DCLK3: variants seen among roughly 807,000 people sequenced by gnomAD.
DCLK3 encodes serine/threonine-protein kinase DCLK3.
Under a neutral mutation model 46.4 loss-of-function variants are expected in DCLK3, and 30 were observed. The ratio of observed to expected loss-of-function variants is 0.65; its 90% CI spans 0.48 to 0.88. The LOEUF is 0.88. DCLK3 is among the 40% of genes least tolerant of loss of function. The probability of loss-of-function intolerance (pLI) is 0.00; values close to 1 mark genes in which losing one functional copy is unlikely to be tolerated. For missense variants in DCLK3, 846 were observed against 907.1 expected, an observed-to-expected ratio of 0.93 and a Z score of 0.87; for synonymous variants, 401 against 339.2, an observed-to-expected ratio of 1.18 and a Z score of -2.00.
chr3:36,730,883 A>G (rs932727111), intron 2 of DCLK3, among the ~76,000 whole-genome samples: 1 of 152,022 alleles, frequency 6.6e-6, no homozygotes, highest in African/African-American at 2.4e-5. Context: ...TTTCAGGTAG[A>G]AGAAACAGCA....
chr3:36,722,678 T>C (rs770741820), intron 2 of DCLK3, among the ~76,000 whole-genome samples: 6 of 152,130 alleles, frequency 3.9e-5, no homozygotes, highest in Non-Finnish European at 1.5e-5. Context: ...GATCTGACAG[T>C]TTTAAAAATG....
chr3:36,758,688 G>A (rs1054421265), intron 1 of DCLK3, among the ~76,000 whole-genome samples: 2 of 152,194 alleles, frequency 1.3e-5, no homozygotes, highest in African/African-American at 4.8e-5. Flanking sequence ...AATTACCCAG[G>A]CTCAGGTGTT....
rs1336007222 is a variant in DCLK3 at position 36,738,828 on chromosome 3, G to A, written c.339C>T (p.Leu113=). 4 of 839,850 alleles carry A rather than the reference G, an allele frequency of 4.8e-6. No individual in the cohort carries two copies. The highest frequency in any genetic ancestry group is 6.5e-6 in the Non-Finnish European group (4 of 612,282). 52.0% of individuals were successfully genotyped at this position (839,850 alleles called of 1,614,324 possible). Residue 113 remains leucine, a synonymous_variant, in exon 2 of 5, where the codon CTC becomes CTT. Transcript: ENST00000636136. ...ACGTCTGCACTGATCGCCTGTTGAG[G>A]AGCAGAGTGATCTTTCGGGGGCGCT... ...GGQRPRKITL[L]LNRRSVQTFE...
chr3:36,745,448 C>CA (rs1467319976), intron 1 of DCLK3, among the ~76,000 whole-genome samples: 1 of 152,066 alleles, frequency 6.6e-6, no homozygotes, highest in African/African-American at 2.4e-5. Context: ...GTGTACTCAA[C>CA]AAAATGAATT....
At position 36,764,153 on chromosome 3, in the gene DCLK3, G is replaced by A. The variant is rs1465494998; in HGVS notation, c.82+29C>T. 9.1e-6 allele frequency: 3 copies of A among 328,782 alleles called. No homozygotes were observed. In the South Asian group the frequency reaches 4.2e-4, roughly 46 times the overall value. 20.4% of individuals were successfully genotyped at this position (328,782 alleles called of 1,614,324 possible). ...CCCCCGCCAAGGTGGCGCCCAGAAC[G>A]GGTCGGTGCCGGAGCGCACGGTACT... On this transcript the variant is annotated intron_variant, in intron 1 of 4. Coordinates refer to ENST00000636136, the MANE Select transcript of DCLK3 (RefSeq NM_001394672.2). This position sits in a 1 kb window ranked among gnomAD's most constrained non-coding sequence, Gnocchi z 4.9.
intron 1 of DCLK3, among the ~76,000 whole-genome samples, chr3:36,761,479 T>C (rs1419551670): frequency 1.3e-5 from 2 of 152,152 alleles, no homozygotes; most frequent in African/African-American, 4.8e-5. Flanking sequence ...CCTAGATTTC[T>C]CTCTTCTGAC....
intron 3 of DCLK3, among the ~76,000 whole-genome samples, chr3:36,721,324 G>T (rs1701053236): frequency 6.6e-6 from 1 of 151,830 alleles, no homozygotes; most frequent in Non-Finnish European, 1.5e-5. Flanking sequence ...CTGATCCATT[G>T]ACTGTAACAA....
chr3:36,724,869 G>A (rs953964227), intron 2 of DCLK3, among the ~76,000 whole-genome samples: 5 of 152,164 alleles, frequency 3.3e-5, no homozygotes, highest in Non-Finnish European at 7.3e-5. Context: ...GGAGAGAGAT[G>A]TTAAATACAG....
intron 4 of DCLK3, among the ~76,000 whole-genome samples, 161 bp downstream of exon 4, chr3:36,717,849 G>T (rs1230357233): frequency 6.6e-6 from 1 of 152,182 alleles, no homozygotes; most frequent in Non-Finnish European, 1.5e-5. Context: ...CATGTTTTCA[G>T]AGTGCTACAC....
At chr3:36,715,671 G>A (rs1700969712) in intron 4 of DCLK3, 150 bp from the exon 5 acceptor site, 2 of 705,458 alleles carry the variant, frequency 2.8e-6, no homozygotes, top group Non-Finnish European at 2.1e-6. Context: ...CAGTCCAATA[G>A]AAGACAGGAA....
Position 36,738,729 on chromosome 3 carries a change from C to G in DCLK3, c.438G>C (p.Leu146=). 1 of 1,313,396 alleles carries G rather than the reference C, an allele frequency of 7.6e-7. No homozygotes were observed. The highest frequency in any genetic ancestry group is 9.8e-7 in the Non-Finnish European group (1 of 1,025,402). 81.4% of individuals were successfully genotyped at this position (1,313,396 alleles called of 1,614,324 possible). A position where few individuals can be genotyped will look rare whatever the true frequency, so the allele number is the denominator to read the frequency against. The part of the protein sequence containing the change: ...PRWKNDRVRK[L]FNLKGREIRS... The stretch of plus-strand genomic sequence containing the variant: ...TGATTTCCCTGCCCTTGAGGTTAAA[C>G]AGTTTCCTCACACGGTCATTCTTCC... Residue 146 remains leucine, a synonymous_variant, in exon 2 of 5, where the codon CTG becomes CTC. Transcript: ENST00000636136.
At position 36,744,807 on chromosome 3, in the gene DCLK3, C is replaced by T. The variant is rs375525326; in HGVS notation, c.83-5723G>A. Among the ~76,000 whole-genome samples, 21 of 152,270 alleles carry T rather than the reference C, an allele frequency of 1.4e-4. No homozygotes were observed. In the East Asian group the frequency reaches 1.9e-3, roughly 14 times the overall value. ...GATTGAAATAAAAAACCAGTAGGGA[C>T]GGGATCATAAAAGAAACACTCCAGC... On this transcript the variant is annotated intron_variant, in intron 1 of 4. Coordinates refer to ENST00000636136, the MANE Select transcript of DCLK3 (RefSeq NM_001394672.2).
At chr3:36,761,826 C>T (rs574605532) in intron 1 of DCLK3, among the ~76,000 whole-genome samples, 49 of 152,144 alleles carry the variant, frequency 3.2e-4, no homozygotes, top group Non-Finnish European at 6.6e-4. Flanking sequence ...CCACCACCCG[C>T]CTGCAGGCTG....
intron 1 of DCLK3, among the ~76,000 whole-genome samples, chr3:36,753,161 C>G (rs1701457987): frequency 6.6e-6 from 1 of 152,180 alleles, no homozygotes; most frequent in African/African-American, 2.4e-5. Flanking sequence ...CAGATGGAGA[C>G]AGCTAGCTAG....
intron 1 of DCLK3, among the ~76,000 whole-genome samples, chr3:36,740,024 C>T (rs966943133): frequency 3.3e-5 from 5 of 151,478 alleles, no homozygotes; most frequent in African/African-American, 7.3e-5. Context: ...GAGCAGTATG[C>T]GAAGAGGTTA....
intron 2 of DCLK3, among the ~76,000 whole-genome samples, chr3:36,722,163 A>G (rs1334241921): frequency 2.0e-5 from 3 of 152,174 alleles, no homozygotes; most frequent in Non-Finnish European, 4.4e-5. Context: ...GCAGAGGGAA[A>G]AAAGAAAGGA....
chr3:36,737,629 G>A lies in DCLK3; in HGVS notation c.1538C>T (p.Pro513Leu). Reference protein sequence around the residue: ...PERPSGRKPRPMGIIAANVEK... With the variant: ...PERPSGRKPRLMGIIAANVEK... The stretch of plus-strand genomic sequence containing the variant: ...CACATTGGCGGCAATGATGCCCATG[G>A]GCCGTGGCTTCCGACCGCTGGGCCG... Residue 513 changes from proline (P) to leucine (L), a missense_variant, in exon 2 of 5, where the codon CCC (proline) becomes CTC (leucine). Transcript: ENST00000636136. The surrounding 1 kb of genome is among the most constrained non-coding windows in gnomAD (Gnocchi z 4.4). 1.2e-6 allele frequency: 2 copies of A among 1,614,120 alleles called. No homozygotes were observed. The highest frequency in any genetic ancestry group is 1.7e-6 in the Non-Finnish European group (2 of 1,180,012).
At chr3:36,759,421 G>A (rs1044813950) in intron 1 of DCLK3, among the ~76,000 whole-genome samples, 6 of 152,282 alleles carry the variant, frequency 3.9e-5, no homozygotes, top group Admixed American at 2.0e-4. Flanking sequence ...TTTTCCAGAT[G>A]GCAAGGCTGA....
intron 2 of DCLK3, among the ~76,000 whole-genome samples, chr3:36,736,738 C>G (rs76995199): frequency 1.4e-4 from 21 of 152,294 alleles, no homozygotes; most frequent in Admixed American, 7.8e-4. Flanking sequence ...CCAGCCTCAT[C>G]GGCACTCCTT....
Sources: allele counts gnomAD v4.1 joint callset (sites outside exome capture counted in the v4.1 genomes callset), GRCh38; gene constraint gnomAD v4.1.1; non-coding constraint Gnocchi (gnomAD v3.1); transcripts MANE v1.5; gene names NCBI Gene and HGNC (gene_info 2026-07-23, HGNC 2026-07-21).